LNPK: variants seen among roughly 807,000 people sequenced by gnomAD.
LNPK encodes endoplasmic reticulum junction formation protein lunapark.
A neutral mutation model predicts 55.2 loss-of-function variants in LNPK; 29 were observed. The observed-to-expected ratio is 0.53, with a 90% CI of 0.39 to 0.72. The LOEUF is 0.72. Ranked by LOEUF, LNPK falls within the 30% of genes least tolerant of loss-of-function variation. LNPK has a pLI of 0.00. For synonymous variants in LNPK, 162 were observed against 168.2 expected, an observed-to-expected ratio of 0.96 and a Z score of 0.29; for missense variants, 467 against 494.8, an observed-to-expected ratio of 0.94 and a Z score of 0.53.
intron 1 of LNPK, among the ~76,000 whole-genome samples, chr2:175,998,304 C>T (rs867902567): frequency 6.6e-6 from 1 of 151,818 alleles, no homozygotes; most frequent in Non-Finnish European, 1.5e-5. Context: ...ATTAGCCAGG[C>T]GTGGTGGCAG....
chr2:175,930,791 C>G (rs1255174452), intron 12 of LNPK, among the ~76,000 whole-genome samples: 2 of 152,106 alleles, frequency 1.3e-5, no homozygotes, highest in African/African-American at 2.4e-5. Flanking sequence ...CTCCTCATCC[C>G]TCTGCAAGAC....
Position 175,929,554 on chromosome 2 carries a change from G to A in LNPK, c.*413C>T. 1.0e-6 allele frequency: 1 copy of A among 992,176 alleles called. No individual in the cohort carries two copies. Among genetic ancestry groups the A allele is most frequent in the Non-Finnish European group, 1.2e-6 (1 of 833,692 alleles). 61.5% of individuals were successfully genotyped at this position (992,176 alleles called of 1,614,324 possible). A position where few individuals can be genotyped will look rare whatever the true frequency, so the allele number is the denominator to read the frequency against. ...AATTCTATCAATTTTTAATAATGAA[G>A]TAGTCAAAATCTTAACCAAGTTTCA... is the stretch of plus-strand genomic sequence containing the variant. On this transcript the variant is annotated 3_prime_UTR_variant, in exon 13 of 13. Transcript: ENST00000272748.
At position 175,925,661 on chromosome 2, in the gene LNPK, C is replaced by CTTTTTTTTTTTTTTTTTTTTTTTTT. The variant is rs756849996; in HGVS notation, c.*4305_*4306insAAAAAAAAAAAAAAAAAAAAAAAAA. On this transcript the variant is annotated 3_prime_UTR_variant, in exon 13 of 13. Transcript: ENST00000272748. Reference sequence around the variant, plus strand: ...AGCAATGGCGTGGCAGATTCATTTTCTTTCTTTCTTTTTTTTTTTTGAGAT... The same window carrying CTTTTTTTTTTTTTTTTTTTTTTTTT: ...AGCAATGGCGTGGCAGATTCATTTTCTTTTTTTTTTTTTTTTTTTTTTTTTTTTCTTTCTTTTTTTTTTTTGAGAT... The CTTTTTTTTTTTTTTTTTTTTTTTTT allele has an allele frequency of 6.7e-6, 1 of 149,610 alleles. No homozygotes were observed. The highest frequency in any genetic ancestry group is 1.4e-5 in the Non-Finnish European group (1 of 69,484). The allele number at this position is 149,610 out of a possible 1,614,324, so 9.3% of individuals were successfully genotyped here.
At chr2:175,982,241 A>G (rs1405546435) in intron 4 of LNPK, among the ~76,000 whole-genome samples, 4 of 152,306 alleles carry the variant, frequency 2.6e-5, no homozygotes, top group African/African-American at 2.4e-5. Context: ...GAAAACGGGG[A>G]AAAAAAGATG....
At chr2:175,984,375 C>T (rs1687313833) in intron 4 of LNPK, among the ~76,000 whole-genome samples, 1 of 152,002 alleles carries the variant, frequency 6.6e-6, no homozygotes, top group South Asian at 2.1e-4. Flanking sequence ...CGAGGTTTCA[C>T]ATGTTGGTCA....
rs1177635452 is a variant in LNPK, at chr2:175,927,747, G to A, written c.*2220C>T. ...TACTAGTCTTAATAATCAGAAATAG[G>A]ACATTTTACTAAGTTTCAACCATTA... is the stretch of plus-strand genomic sequence containing the variant. On this transcript the variant is annotated 3_prime_UTR_variant, in exon 13 of 13. Transcript: ENST00000272748. The A allele has an allele frequency of 1.8e-5, 2 of 113,104 alleles. No homozygotes were observed. Among genetic ancestry groups the A allele is most frequent in the East Asian group, 2.1e-4 (1 of 4,740 alleles). The allele number at this position is 113,104 out of a possible 1,614,324, so 7.0% of individuals were successfully genotyped here.
intron 3 of LNPK, 149 bp from the exon 4 acceptor site, chr2:175,992,567 CAT>C (rs1342103808): frequency 5.2e-5 from 24 of 461,930 alleles, no homozygotes; most frequent in Non-Finnish European, 8.2e-5. Context: ...TAAAACAAAA[CAT>C]AATATGAAAA....
chr2:175,966,253 G>A (rs1471579111), intron 6 of LNPK, among the ~76,000 whole-genome samples: 1 of 152,098 alleles, frequency 6.6e-6, no homozygotes, highest in African/African-American at 2.4e-5. Flanking sequence ...TAGTAGAGAC[G>A]AGGTTTCGCC....
At chr2:175,993,740 C>A (rs997309433) in intron 2 of LNPK, among the ~76,000 whole-genome samples, 9 of 151,954 alleles carry the variant, frequency 5.9e-5, no homozygotes, top group Admixed American at 5.9e-4. Context: ...TTGCAGTGAG[C>A]CGAGATCGCA....
chr2:175,997,477 C>T (rs1687981443), intron 1 of LNPK, among the ~76,000 whole-genome samples: 2 of 152,094 alleles, frequency 1.3e-5, no homozygotes, highest in Non-Finnish European at 2.9e-5. Context: ...TCAAAATATA[C>T]ATCATTCCAC....
At chr2:175,973,166 T>A (rs1193360222) in intron 5 of LNPK, among the ~76,000 whole-genome samples, 1 of 152,216 alleles carries the variant, frequency 6.6e-6, no homozygotes, top group Non-Finnish European at 1.5e-5. Context: ...TTAAGAACCA[T>A]TATCAAGGCT....
chr2:175,999,864 C>A (rs1688097335), intron 1 of LNPK, among the ~76,000 whole-genome samples: 2 of 152,170 alleles, frequency 1.3e-5, no homozygotes, highest in African/African-American at 4.8e-5. Context: ...CTCCTGGGTT[C>A]AAGTGATTCT....
At position 175,947,640 on chromosome 2, in the gene LNPK, G is replaced by A; in HGVS notation, c.546C>T (p.Ser182=). The A allele has an allele frequency of 6.2e-7, 1 of 1,613,778 alleles. No homozygotes were observed. Among genetic ancestry groups the A allele is most frequent in the South Asian group, 1.1e-5 (1 of 91,050 alleles). ...AQRNLSPTPA[S]PNQGPPPQVP... is the part of the protein sequence containing the mutation. ...CTTGTGGAGGAGGGCCCTGGTTAGG[G>A]CTTGCTGGTGTTGGAGAAAGGTTTC... The change falls in exon 9 of 13, where the codon AGC becomes AGT. Residue 182 remains serine (S), a synonymous_variant. Transcript: ENST00000272748.
intron 6 of LNPK, among the ~76,000 whole-genome samples, chr2:175,965,823 A>G (rs1686303237): frequency 6.6e-6 from 1 of 152,028 alleles, no homozygotes; most frequent in African/African-American, 2.4e-5. Context: ...CTAGGAACAG[A>G]GGTAGAAAGA....
intron 12 of LNPK, among the ~76,000 whole-genome samples, chr2:175,936,025 T>A (rs1684529230): frequency 6.6e-6 from 1 of 152,300 alleles, no homozygotes; most frequent in East Asian, 1.9e-4. Context: ...ATCTTCAGTA[T>A]GAAATCCTTT....
At chr2:175,954,722 T>C (rs932267310) in intron 8 of LNPK, among the ~76,000 whole-genome samples, 1 of 152,238 alleles carries the variant, frequency 6.6e-6, no homozygotes, top group Non-Finnish European at 1.5e-5. Context: ...ACCAAGGTCC[T>C]ATTTGGTAAA....
intron 10 of LNPK, 46 bp from the exon 11 acceptor site, chr2:175,938,429 AAGCTCATGAC>A: frequency 9.0e-7 from 1 of 1,113,792 alleles, no homozygotes; most frequent in East Asian, 2.4e-5. Flanking sequence ...AATGCAAACA[AAGCTCATGAC>A]AGAGACTAAT....
chr2:175,989,369 A>G (rs773304486), intron 4 of LNPK, among the ~76,000 whole-genome samples: 2 of 152,174 alleles, frequency 1.3e-5, no homozygotes, highest in Non-Finnish European at 1.5e-5. Flanking sequence ...CAAATAAAAA[A>G]ATTATGGCTA....
intron 8 of LNPK, among the ~76,000 whole-genome samples, chr2:175,961,762 T>C (rs940829616): frequency 1.3e-5 from 2 of 152,288 alleles, no homozygotes. Flanking sequence ...GAAGTCAAAT[T>C]GTCCCTTTTT....
Sources: gnomAD v4.1 joint callset for allele counts (sites outside exome capture counted in the v4.1 genomes callset) on GRCh38, gnomAD v4.1.1 for gene constraint, MANE v1.5 for transcripts, NCBI Gene and HGNC (gene_info 2026-07-23, HGNC 2026-07-21) for gene names.